Variants in DCP1A observed in about 807,000 individuals in gnomAD.
DCP1A encodes mRNA-decapping enzyme 1A.
In DCP1A, 20 loss-of-function variants were observed where a neutral mutation model predicts 58.0. That is an observed-to-expected ratio of 0.34 (90% CI 0.24 to 0.50). The LOEUF is 0.50. Ranked by LOEUF, DCP1A falls within the 20% of genes least tolerant of loss-of-function variation. DCP1A has a pLI of 0.98. For missense variants in DCP1A, 613 were observed against 712.2 expected, an observed-to-expected ratio of 0.86 and a Z score of 1.59; for synonymous variants, 285 against 275.1, an observed-to-expected ratio of 1.04 and a Z score of -0.36.
At chr3:53,325,964 T>C (rs2106864913) in intron 3 of DCP1A, among the ~76,000 whole-genome samples, 1 of 152,308 alleles carries the variant, frequency 6.6e-6, no homozygotes. Flanking sequence ...AACCCACTCA[T>C]TTCAGACCAC....
chr3:53,332,214 C>T (rs561241320), intron 3 of DCP1A, among the ~76,000 whole-genome samples: 108 of 152,314 alleles, frequency 7.1e-4, no homozygotes, highest in Non-Finnish European at 1.3e-3. Context: ...ACTAACAGTC[C>T]TAGTGCCATT....
At chr3:53,296,540 T>A (rs1288050522) in intron 6 of DCP1A, among the ~76,000 whole-genome samples, 1 of 152,196 alleles carries the variant, frequency 6.6e-6, no homozygotes, top group Non-Finnish European at 1.5e-5. Context: ...ATCATAAATG[T>A]CTACTGACAG....
In DCP1A at chr3:53,319,488, G is replaced by T; in HGVS notation, c.305-15C>A. 1 of 1,510,034 alleles carries T rather than the reference G, an allele frequency of 6.6e-7. No homozygotes were observed. The highest frequency in any genetic ancestry group is 9.0e-7 in the Non-Finnish European group (1 of 1,110,838). 93.5% of individuals were successfully genotyped at this position (1,510,034 alleles called of 1,614,324 possible). ...ATATATCGACACTTGAAAAACAAAG[G>T]GAAAAAAAGATAAGAAGAAATGAGG... On this transcript the variant is annotated splice_polypyrimidine_tract_variant and intron_variant, in intron 3 of 9. Coordinates refer to ENST00000610213, the MANE Select transcript of DCP1A (RefSeq NM_018403.7).
chr3:53,309,100 G>C (rs955771157), intron 5 of DCP1A, among the ~76,000 whole-genome samples: 16 of 152,224 alleles, frequency 1.1e-4, no homozygotes, highest in Non-Finnish European at 2.2e-4. Flanking sequence ...GGCTAGGTAC[G>C]GTGGCTCACG....
In DCP1A at chr3:53,288,084, G is replaced by A. The variant is rs1553685402; in HGVS notation, c.1649C>T (p.Thr550Ile). 1.9e-6 allele frequency: 3 copies of A among 1,613,762 alleles called. No individual in the cohort carries two copies. Among genetic ancestry groups the A allele is most frequent in the Admixed American group, 1.7e-5 (1 of 60,024 alleles). ...IILSKSQLQD[T>I]LIHLIKNDSS... ...ACATACCTTTATTAGATGTATTAAT[G>A]TATCCTGGAGCTGAGACTTGCTGAG... The change falls in exon 9 of 10, where the codon ACA becomes ATA. Residue 550 changes from threonine to isoleucine, a missense_variant. Transcript: ENST00000610213.
chr3:53,341,575 A>G (rs542766160), intron 3 of DCP1A, among the ~76,000 whole-genome samples: 1 of 152,374 alleles, frequency 6.6e-6, no homozygotes, highest in South Asian at 2.1e-4. Context: ...GGCAGCTGAT[A>G]GTCCACAGCT....
At position 53,287,197 on chromosome 3, in the gene DCP1A, C is replaced by T. The variant is rs1457229699; in HGVS notation, c.*383G>A. 1.2e-5 allele frequency: 2 copies of T among 171,250 alleles called. No individual in the cohort carries two copies. The highest frequency in any genetic ancestry group is 6.3e-5 in the Admixed American group (1 of 15,798). The allele number at this position is 171,250 out of a possible 1,614,324, so 10.6% of individuals were successfully genotyped here. On this transcript the variant is annotated 3_prime_UTR_variant, in exon 10 of 10. Transcript: ENST00000610213. ...GTAGGCTGGGGGAAGCGGTGGGGGC[C>T]GGGCTGAACTTCTGCTGTGAGGCTG...
chr3:53,326,659 T>A (rs782571967), intron 3 of DCP1A, among the ~76,000 whole-genome samples: 1 of 152,204 alleles, frequency 6.6e-6, no homozygotes, highest in Non-Finnish European at 1.5e-5. Context: ...TGGCTCCTTA[T>A]GAGAATCTAA....
At chr3:53,347,258 G>A (rs2089302777) in intron 1 of DCP1A, 125 bp downstream of exon 1, 1 of 1,234,716 alleles carries the variant, frequency 8.1e-7, no homozygotes, top group Admixed American at 3.4e-5. Context: ...CTCTTGGCCA[G>A]ACCCTGGCCT....
chr3:53,311,771 C>G (rs1271997503), intron 5 of DCP1A, among the ~76,000 whole-genome samples: 4 of 152,110 alleles, frequency 2.6e-5, no homozygotes, highest in Non-Finnish European at 5.9e-5. Context: ...AGAAGAGGCA[C>G]GAAGCTTTAC....
chr3:53,299,962 G>T (rs1553687221), intron 6 of DCP1A, among the ~76,000 whole-genome samples: 1 of 152,134 alleles, frequency 6.6e-6, no homozygotes, highest in African/African-American at 2.4e-5. Flanking sequence ...CCCCCTCCTG[G>T]GTTCAAGCAA....
chr3:53,311,535 T>C (rs1249657639), intron 5 of DCP1A, among the ~76,000 whole-genome samples: 2 of 152,206 alleles, frequency 1.3e-5, no homozygotes, highest in Non-Finnish European at 2.9e-5. Flanking sequence ...AGCTAATTTA[T>C]AAACTAAAAT....
At chr3:53,292,902 C>T (rs1343801015) in intron 6 of DCP1A, 75 bp from the exon 7 acceptor site, 1 of 1,468,086 alleles carries the variant, frequency 6.8e-7, no homozygotes, top group Non-Finnish European at 9.1e-7. Context: ...TTTCCAGAAG[C>T]CAAAGATTTT....
chr3:53,302,476 A>G lies in DCP1A; in HGVS notation c.624+1701T>C, dbSNP rs78116077. Among the ~76,000 whole-genome samples the G allele has an allele frequency of 6.3e-3, 966 of 152,300 alleles. 9 individuals carry two copies. Among genetic ancestry groups the G allele is most frequent in the African/African-American group, 0.022 (908 of 41,546 alleles). ...GAGACAGCTTAAAAACAAAAAAACA[A>G]AACTGTTTTACATGGTGCTTATATT... On this transcript the variant is annotated intron_variant, in intron 6 of 9. Coordinates refer to ENST00000610213, the MANE Select transcript of DCP1A (RefSeq NM_018403.7).
At chr3:53,313,346 G>A (rs923568373) in intron 4 of DCP1A, among the ~76,000 whole-genome samples, 1 of 151,872 alleles carries the variant, frequency 6.6e-6, no homozygotes, top group African/African-American at 2.4e-5. Flanking sequence ...TTGAGTCTGG[G>A]AGGTAGAGGC....
chr3:53,341,451 C>A (rs1290618351), intron 3 of DCP1A, among the ~76,000 whole-genome samples: 2 of 151,880 alleles, frequency 1.3e-5, no homozygotes, highest in African/African-American at 4.8e-5. Context: ...AAGACTCCGT[C>A]TCAAAAAAAA....
intron 6 of DCP1A, among the ~76,000 whole-genome samples, chr3:53,303,738 CAA>C (rs1185494422): frequency 6.6e-6 from 1 of 152,166 alleles, no homozygotes; most frequent in African/African-American, 2.4e-5. Flanking sequence ...TGGGGAAAGA[CAA>C]GAGAGCCAAT....
In DCP1A at chr3:53,287,318, ATAACT is replaced by A. The variant is rs1322353021; in HGVS notation, c.*257_*261del. On this transcript the variant is annotated 3_prime_UTR_variant, in exon 10 of 10. Transcript: ENST00000610213. Reference sequence around the variant, plus strand: ...GCTCCTAGCTGATGAAAACACCCACATAACTTAACACAATGATCGCTCTCTTTTTT... The same window carrying A: ...GCTCCTAGCTGATGAAAACACCCACATAACACAATGATCGCTCTCTTTTTT... The A allele has an allele frequency of 1.1e-5, 4 of 360,482 alleles. No homozygotes were observed. The highest frequency in any genetic ancestry group is 4.9e-5 in the East Asian group (1 of 20,550). The allele number at this position is 360,482 out of a possible 1,614,324, so 22.3% of individuals were successfully genotyped here. A position where few individuals can be genotyped will look rare whatever the true frequency, so the allele number is the denominator to read the frequency against.
intron 4 of DCP1A, among the ~76,000 whole-genome samples, chr3:53,314,829 G>A (rs190838876): frequency 6.6e-4 from 100 of 151,798 alleles, no homozygotes; most frequent in South Asian, 8.3e-4. Context: ...GCACTATCAT[G>A]CCCGGCTAAT....
Sources: gnomAD v4.1 joint callset for allele counts (sites outside exome capture counted in the v4.1 genomes callset) on GRCh38, gnomAD v4.1.1 for gene constraint, MANE v1.5 for transcripts, NCBI Gene and HGNC (gene_info 2026-07-23, HGNC 2026-07-21) for gene names.